The following RFX3 variants were observed in gnomAD, a reference collection of about 807,000 sequenced individuals.
RFX3 encodes transcription factor RFX3.
In RFX3, 14 loss-of-function variants were observed where a neutral mutation model predicts 98.6. The observed-to-expected ratio is 0.14, with a 90% CI of 0.09 to 0.22. RFX3 has a LOEUF of 0.22. RFX3 is among the 10% of genes least tolerant of loss of function. The pLI is 1.00. For synonymous variants in RFX3, 383 were observed against 328.4 expected (o/e 1.17, Z -1.80); for missense variants, 639 against 926.9 (o/e 0.69, Z 4.03).
At chr9:3,234,568 G>A (rs1258763147) in intron 15 of RFX3, among the ~76,000 whole-genome samples, 2 of 152,302 alleles carry the variant, frequency 1.3e-5, no homozygotes, top group Admixed American at 6.5e-5. Flanking sequence ...CGTCCAAGGT[G>A]GTCGAGGCTG....
intron 14 of RFX3, among the ~76,000 whole-genome samples, chr9:3,255,935 A>C (rs1454433943): frequency 1.3e-5 from 2 of 151,962 alleles, no homozygotes; most frequent in Admixed American, 6.6e-5. Flanking sequence ...TGTGAAAAAA[A>C]TCCTGATTAT....
intron 1 of RFX3, among the ~76,000 whole-genome samples, chr9:3,500,155 C>G (rs752335884): frequency 3.3e-5 from 5 of 152,042 alleles, no homozygotes; most frequent in Non-Finnish European, 5.9e-5. Context: ...TAAAGGAGAG[C>G]TGAAGTACAC....
In RFX3 at chr9:3,221,148, G is replaced by C. The variant is rs919031784; in HGVS notation, c.*3894C>G. 6.6e-6 allele frequency: 1 copy of C among 151,830 alleles called. No homozygotes were observed. The highest frequency in any genetic ancestry group is 2.4e-5 in the African/African-American group (1 of 41,282). The allele number at this position is 151,830 out of a possible 1,614,324, so 9.4% of individuals were successfully genotyped here. On this transcript the variant is annotated 3_prime_UTR_variant, in exon 17 of 17. Transcript: ENST00000617270. ...CTTGCCAAGTTTTTTCTTTCTACTT[G>C]TGTCCACACAGGGAGGACCAACATC...
intron 12 of RFX3, among the ~76,000 whole-genome samples, chr9:3,265,309 T>C (rs1823482814): frequency 6.6e-6 from 1 of 152,208 alleles, no homozygotes; most frequent in African/African-American, 2.4e-5. Flanking sequence ...TATGGGCACA[T>C]CAATGAAATG....
intron 1 of RFX3, among the ~76,000 whole-genome samples, chr9:3,410,016 G>A (rs1156863955): frequency 6.6e-6 from 1 of 152,124 alleles, no homozygotes; most frequent in African/African-American, 2.4e-5. Context: ...CGCGCAAAGT[G>A]CTTACTACAC....
chr9:3,424,008 G>A (rs1000104964), intron 1 of RFX3, among the ~76,000 whole-genome samples: 37 of 151,408 alleles, frequency 2.4e-4, no homozygotes, highest in Non-Finnish European at 3.8e-4. Flanking sequence ...TTAGCCGGGC[G>A]TGGTGGCAGG....
chr9:3,305,545 G>A (rs1398071765), intron 4 of RFX3, among the ~76,000 whole-genome samples: 1 of 151,938 alleles, frequency 6.6e-6, no homozygotes, highest in Non-Finnish European at 1.5e-5. Context: ...GAAGAGGCAA[G>A]AGGAATAATG....
At chr9:3,454,631 A>C (rs758731824) in intron 1 of RFX3, among the ~76,000 whole-genome samples, 16 of 152,188 alleles carry the variant, frequency 1.1e-4, no homozygotes, top group Non-Finnish European at 1.9e-4. Context: ...CAATGATAAA[A>C]ATCTTAAAGA....
At chr9:3,290,360 T>C (rs181572338) in intron 6 of RFX3, among the ~76,000 whole-genome samples, 1 of 152,288 alleles carries the variant, frequency 6.6e-6, no homozygotes, top group East Asian at 1.9e-4. Context: ...ATTTTGTCCC[T>C]TTCTATTTTA....
intron 2 of RFX3, among the ~76,000 whole-genome samples, chr9:3,358,783 G>A (rs889479984): frequency 6.6e-6 from 1 of 152,084 alleles, no homozygotes; most frequent in Non-Finnish European, 1.5e-5. Flanking sequence ...GAGGCCTCAG[G>A]AAACTTCCAA....
intron 1 of RFX3, among the ~76,000 whole-genome samples, chr9:3,438,349 G>A (rs1365641843): frequency 6.6e-6 from 1 of 152,066 alleles, no homozygotes; most frequent in Non-Finnish European, 1.5e-5. Context: ...ACTTGATACA[G>A]TAAGTCTATA....
At chr9:3,449,138 G>C (rs1846327717) in intron 1 of RFX3, among the ~76,000 whole-genome samples, 1 of 152,082 alleles carries the variant, frequency 6.6e-6, no homozygotes, top group Non-Finnish European at 1.5e-5. Context: ...CTCCCTCAAA[G>C]AATAGAGGTA....
At chr9:3,256,036 G>A (rs935957532) in intron 14 of RFX3, among the ~76,000 whole-genome samples, 2 of 151,674 alleles carry the variant, frequency 1.3e-5, no homozygotes, top group African/African-American at 2.4e-5. Flanking sequence ...GCATGATCTC[G>A]GCTCACTGCA....
At chr9:3,474,573 A>C (rs1482537420) in intron 1 of RFX3, among the ~76,000 whole-genome samples, 1 of 152,218 alleles carries the variant, frequency 6.6e-6, no homozygotes, top group East Asian at 1.9e-4. Flanking sequence ...GTTTAGTATC[A>C]CTGTCTCCAA....
chr9:3,264,892 C>G (rs1823412008), intron 12 of RFX3, among the ~76,000 whole-genome samples: 1 of 152,218 alleles, frequency 6.6e-6, no homozygotes, highest in South Asian at 2.1e-4. Flanking sequence ...ATTGTTACCA[C>G]ATTCACTTTG....
chr9:3,405,620 T>G (rs1008102747), intron 1 of RFX3, among the ~76,000 whole-genome samples: 1 of 152,232 alleles, frequency 6.6e-6, no homozygotes, highest in Non-Finnish European at 1.5e-5. Context: ...TCCAGTCATC[T>G]TGGCATCCTT....
intron 16 of RFX3, among the ~76,000 whole-genome samples, chr9:3,228,021 T>C (rs942933811): frequency 7.2e-5 from 11 of 152,314 alleles, no homozygotes; most frequent in Admixed American, 1.3e-4. Flanking sequence ...CTGTCGCCGA[T>C]AGTCAATAAC....
At chr9:3,232,945 G>A (rs1156874558) in intron 15 of RFX3, among the ~76,000 whole-genome samples, 1 of 152,146 alleles carries the variant, frequency 6.6e-6, no homozygotes, top group Non-Finnish European at 1.5e-5. Flanking sequence ...AAAGTATATG[G>A]CCTTCAATGT....
At chr9:3,462,239 T>C (rs1847761026) in intron 1 of RFX3, among the ~76,000 whole-genome samples, 1 of 152,000 alleles carries the variant, frequency 6.6e-6, no homozygotes, top group Non-Finnish European at 1.5e-5. Context: ...AATGACAAAA[T>C]GGGATTTATT....
Sources: allele counts gnomAD v4.1 joint callset (sites outside exome capture counted in the v4.1 genomes callset), GRCh38; gene constraint gnomAD v4.1.1; transcripts MANE v1.5; gene names NCBI Gene and HGNC (gene_info 2026-07-23, HGNC 2026-07-21).